KCNQ5: variants seen among roughly 807,000 people sequenced by gnomAD.
KCNQ5 encodes potassium voltage-gated channel subfamily Q member 5, also known as potassium voltage-gated channel subfamily KQT member 5.
A neutral mutation model predicts 98.2 loss-of-function variants in KCNQ5; 30 were observed. The ratio of observed to expected loss-of-function variants is 0.31; its 90% CI spans 0.23 to 0.41. The LOEUF (loss-of-function observed/expected upper bound fraction) is 0.41, where lower values mean the gene tolerates loss of function less well. KCNQ5 is among the 10% of genes least tolerant of loss of function. KCNQ5 has a pLI of 1.00. For missense variants in KCNQ5, 835 were observed against 1,182.5 expected (o/e 0.71, Z 4.31); for synonymous variants, 458 against 449.4 (o/e 1.02, Z -0.24).
In KCNQ5 at chr6:72,634,090, C is replaced by T. The variant is rs905169154; in HGVS notation, c.398+11503C>T. Among the ~76,000 whole-genome samples, 2 of 152,262 alleles carry T rather than the reference C, an allele frequency of 1.3e-5. 1 individual carries two copies. Among genetic ancestry groups the T allele is most frequent in the South Asian group, 4.2e-4 (2 of 4,818 alleles). ...GCTATAATCTTGATTGTGGATGGTA[C>T]GTGTGGGCCCAGGGCTCCTCATATC... On this transcript the variant is annotated intron_variant, in intron 1 of 13. Transcript: ENST00000370398.
intron 1 of KCNQ5, among the ~76,000 whole-genome samples, chr6:72,947,308 C>A (rs1177992344): frequency 3.3e-5 from 5 of 152,090 alleles, no homozygotes; most frequent in African/African-American, 1.2e-4. Flanking sequence ...TTACTCTTTT[C>A]ATGCTAAATT....
In KCNQ5 at chr6:72,622,255, A is replaced by AGCG. The variant is rs568022266; in HGVS notation, c.80_82dup (p.Ala27dup). ...CCGGGCTCTGGGTGAAGAGCGGCGC[A>AGCG]GCGGCGGCGGCGGCGGGCGGGGGGC... On this transcript the variant is annotated inframe_insertion, in exon 1 of 14. Transcript: ENST00000370398. The surrounding 1 kb of genome is among the most constrained non-coding windows in gnomAD (Gnocchi z 6.0). 3.3e-4 allele frequency: 423 copies of AGCG among 1,265,622 alleles called. No homozygotes were observed. Among genetic ancestry groups the AGCG allele is most frequent in the Middle Eastern group, 5.9e-4 (2 of 3,416 alleles). The allele number at this position is 1,265,622 out of a possible 1,614,324, so 78.4% of individuals were successfully genotyped here. A position where few individuals can be genotyped will look rare whatever the true frequency, so the allele number is the denominator to read the frequency against.
intron 1 of KCNQ5, among the ~76,000 whole-genome samples, chr6:72,926,362 TTGTC>T (rs1765419281): frequency 6.6e-6 from 1 of 152,140 alleles, no homozygotes; most frequent in African/African-American, 2.4e-5. Flanking sequence ...CTGTTGAAAA[TTGTC>T]TGCTAAAGCT....
chr6:72,693,225 A>G (rs1263361509), intron 1 of KCNQ5, among the ~76,000 whole-genome samples: 1 of 152,164 alleles, frequency 6.6e-6, no homozygotes, highest in Non-Finnish European at 1.5e-5. Context: ...ATATATGAAT[A>G]TGAAAAAGAG....
rs373999542 is a variant in KCNQ5, at chr6:73,160,106, C to T, written c.1469-9640C>T. ...TCGGCTCACTGCAAGCTCCGCCTCCCGGGTTCACGCCATTCTCCTGCCTCA... is the reference window on the plus strand; with the variant it reads ...TCGGCTCACTGCAAGCTCCGCCTCCTGGGTTCACGCCATTCTCCTGCCTCA... On this transcript the variant is annotated intron_variant, in intron 10 of 13. Transcript: ENST00000370398. 3.0e-3 allele frequency among the ~76,000 whole-genome samples: 462 copies of T among 152,072 alleles called. 1 individual carries two copies. The highest frequency in any genetic ancestry group is 0.01 in the African/African-American group (430 of 41,486).
intron 1 of KCNQ5, among the ~76,000 whole-genome samples, chr6:72,710,757 C>A (rs1190803985): frequency 6.6e-6 from 1 of 152,056 alleles, no homozygotes; most frequent in Non-Finnish European, 1.5e-5. Flanking sequence ...GACATCAATA[C>A]CCCCACTTTT....
chr6:72,678,358 A>G (rs944007750), intron 1 of KCNQ5: 1 of 152,192 alleles, frequency 6.6e-6, no homozygotes, highest in Non-Finnish European at 1.5e-5. Context: ...TTACAGATGG[A>G]GAAAATTGAA....
intron 1 of KCNQ5, among the ~76,000 whole-genome samples, chr6:72,691,616 G>C (rs1768216844): frequency 6.6e-6 from 1 of 152,176 alleles, no homozygotes; most frequent in South Asian, 2.1e-4. Flanking sequence ...GAAAGGAATA[G>C]AAACAGGAAT....
intron 1 of KCNQ5, among the ~76,000 whole-genome samples, chr6:72,893,385 C>T (rs1779129790): frequency 1.3e-5 from 2 of 152,066 alleles, no homozygotes; most frequent in South Asian, 4.1e-4. Flanking sequence ...AAGTGTGTGA[C>T]AATGGGCAGG....
intron 1 of KCNQ5, among the ~76,000 whole-genome samples, chr6:72,642,842 AG>A (rs1765394034): frequency 6.6e-6 from 1 of 152,204 alleles, no homozygotes; most frequent in Non-Finnish European, 1.5e-5. Context: ...ACAATAGCAA[AG>A]ACATGGAGTC....
intron 1 of KCNQ5, among the ~76,000 whole-genome samples, chr6:72,791,848 G>A (rs1165746234): frequency 6.6e-6 from 1 of 152,124 alleles, no homozygotes; most frequent in East Asian, 1.9e-4. Flanking sequence ...CCTTCATAAG[G>A]ATGCCACTTC....
intron 1 of KCNQ5, among the ~76,000 whole-genome samples, chr6:72,809,057 A>C (rs1582332027): frequency 6.6e-6 from 1 of 151,902 alleles, no homozygotes; most frequent in African/African-American, 2.4e-5. Context: ...AATACTATGC[A>C]GCCATAAAAA....
At chr6:72,974,555 T>C (rs1208047136) in intron 1 of KCNQ5, among the ~76,000 whole-genome samples, 1 of 152,156 alleles carries the variant, frequency 6.6e-6, no homozygotes, top group Non-Finnish European at 1.5e-5. Context: ...CTCCTCCCAC[T>C]ACTCTCTAAA....
chr6:72,631,500 A>C (rs569811206), intron 1 of KCNQ5, among the ~76,000 whole-genome samples: 6 of 151,582 alleles, frequency 4.0e-5, no homozygotes, highest in Admixed American at 1.3e-4. Context: ...AGAGAGTTTC[A>C]AAAAAAAATA....
In KCNQ5 at chr6:72,972,598, G is replaced by C. The variant is rs565692288; in HGVS notation, c.399-31310G>C. 4.0e-5 allele frequency among the ~76,000 whole-genome samples: 6 copies of C among 151,894 alleles called. No individual in the cohort carries two copies. In the South Asian group the frequency reaches 1.3e-3, roughly 32 times the overall value. On this transcript the variant is annotated intron_variant, in intron 1 of 13. Coordinates refer to ENST00000370398, the MANE Select transcript of KCNQ5 (RefSeq NM_019842.4). ...TATGAGTGAGAACATATGGTGTTTG[G>C]TTTTCTGTTCCTGTGTTAGTTTGCT...
intron 10 of KCNQ5, among the ~76,000 whole-genome samples, chr6:73,147,355 T>C (rs1776965158): frequency 6.6e-6 from 1 of 152,192 alleles, no homozygotes; most frequent in Non-Finnish European, 1.5e-5. Flanking sequence ...ACTTGCTTAA[T>C]TTGCATGTAT....
chr6:73,150,547 A>G (rs1777108986), intron 10 of KCNQ5, among the ~76,000 whole-genome samples: 1 of 148,320 alleles, frequency 6.7e-6, no homozygotes. Context: ...TTTAAAATAC[A>G]GCTGAATAAT....
chr6:73,122,961 A>G (rs1054851547), intron 8 of KCNQ5, among the ~76,000 whole-genome samples: 2 of 152,162 alleles, frequency 1.3e-5, no homozygotes, highest in African/African-American at 4.8e-5. Flanking sequence ...ACAGACTACA[A>G]TTACTATTTT....
At chr6:72,655,197 T>C (rs1766121107) in intron 1 of KCNQ5, among the ~76,000 whole-genome samples, 2 of 149,660 alleles carry the variant, frequency 1.3e-5, no homozygotes, top group African/African-American at 4.9e-5. Context: ...CAGAGAAAAA[T>C]CCTCCACAAT....
Sources: gnomAD v4.1 joint callset for allele counts (sites outside exome capture counted in the v4.1 genomes callset) on GRCh38, gnomAD v4.1.1 for gene constraint, Gnocchi (gnomAD v3.1) non-coding constraint, MANE v1.5 for transcripts, NCBI Gene and HGNC (gene_info 2026-07-23, HGNC 2026-07-21) for gene names.